The following CLIP4 variants were observed in gnomAD, a reference collection of about 807,000 sequenced individuals.
CLIP4 encodes the protein CAP-Gly domain containing linker protein family member 4.
A neutral mutation model predicts 73.1 loss-of-function variants in CLIP4; 47 were observed. The ratio of observed to expected loss-of-function variants is 0.64; its 90% CI spans 0.51 to 0.82. The LOEUF (loss-of-function observed/expected upper bound fraction) is 0.82, where lower values mean the gene tolerates loss of function less well. Ranked by LOEUF, CLIP4 falls within the 40% of genes least tolerant of loss-of-function variation. CLIP4 has a pLI of 0.00. For synonymous variants in CLIP4, 306 were observed against 295.4 expected (o/e 1.04, Z -0.37); for missense variants, 874 against 852.9 (o/e 1.02, Z -0.31).
intron 12 of CLIP4, among the ~76,000 whole-genome samples, chr2:29,160,896 GC>G (rs1408631548): frequency 6.6e-6 from 1 of 152,100 alleles, no homozygotes; most frequent in Admixed American, 6.5e-5. Context: ...TGTTTTTGGG[GC>G]CCTTAAAAAT....
In CLIP4 at chr2:29,183,217, A is replaced by T. The variant is rs1668725947; in HGVS notation, c.*1324A>T. The T allele has an allele frequency of 6.6e-6, 1 of 152,664 alleles. No individual in the cohort carries two copies. The highest frequency in any genetic ancestry group is 6.5e-5 in the Admixed American group (1 of 15,288). 9.5% of individuals were successfully genotyped at this position (152,664 alleles called of 1,614,324 possible). A position where few individuals can be genotyped will look rare whatever the true frequency, so the allele number is the denominator to read the frequency against. On this transcript the variant is annotated 3_prime_UTR_variant, in exon 16 of 16. Coordinates refer to ENST00000320081, the MANE Select transcript of CLIP4 (RefSeq NM_024692.6). Reference sequence around the variant, plus strand: ...GACTTTACCACAGAAATATTGGAACAGTTTGCTTTATAAGATTAAAAAGCA... The same window carrying T: ...GACTTTACCACAGAAATATTGGAACTGTTTGCTTTATAAGATTAAAAAGCA...
intron 14 of CLIP4, among the ~76,000 whole-genome samples, chr2:29,171,670 C>T (rs112706936): frequency 6.6e-6 from 1 of 152,082 alleles, no homozygotes; most frequent in African/African-American, 2.4e-5. Flanking sequence ...AGGCACCCAC[C>T]ACCACGCCCG....
chr2:29,172,549 C>T (rs1017085430), intron 14 of CLIP4, among the ~76,000 whole-genome samples: 18 of 152,052 alleles, frequency 1.2e-4, no homozygotes, highest in Non-Finnish European at 1.9e-4. Flanking sequence ...GTAGAGATTT[C>T]TTTTTGTTTA....
intron 6 of CLIP4, among the ~76,000 whole-genome samples, chr2:29,139,787 T>G (rs898363824): frequency 6.6e-6 from 1 of 152,176 alleles, no homozygotes; most frequent in Non-Finnish European, 1.5e-5. Flanking sequence ...AATAGAGGTA[T>G]TCACAGTAGT....
At chr2:29,123,962 C>T (rs573462488) in intron 2 of CLIP4, among the ~76,000 whole-genome samples, 2 of 152,272 alleles carry the variant, frequency 1.3e-5, no homozygotes, top group East Asian at 3.9e-4. Context: ...ATGCAGAATA[C>T]ACATTATATA....
intron 8 of CLIP4, among the ~76,000 whole-genome samples, chr2:29,145,605 A>T (rs1386928799): frequency 6.6e-6 from 1 of 152,188 alleles, no homozygotes; most frequent in Non-Finnish European, 1.5e-5. Flanking sequence ...TCCAGGAGGA[A>T]AGTCCTGAAA....
intron 14 of CLIP4, among the ~76,000 whole-genome samples, chr2:29,168,956 A>G (rs1667816115): frequency 1.3e-5 from 2 of 151,932 alleles, no homozygotes; most frequent in Admixed American, 6.6e-5. Context: ...GTGTATGGTA[A>G]GTATCTAATT....
intron 8 of CLIP4, among the ~76,000 whole-genome samples, chr2:29,148,514 GT>G (rs2148011265): frequency 6.6e-6 from 1 of 152,164 alleles, no homozygotes. Flanking sequence ...CATATACTTA[GT>G]TTACTCAAGT....
Position 29,182,715 on chromosome 2 carries a change from T to G in CLIP4, c.*822T>G, listed in dbSNP as rs1377821501. On this transcript the variant is annotated 3_prime_UTR_variant, in exon 16 of 16. Coordinates refer to ENST00000320081, the MANE Select transcript of CLIP4 (RefSeq NM_024692.6). ...TAAGGTTTATGAATTCAAGTAATAA[T>G]TAGATTTTTTTTGCACAGACTTACT... 6.6e-6 allele frequency: 1 copy of G among 152,638 alleles called. No homozygotes were observed. Among genetic ancestry groups the G allele is most frequent in the Non-Finnish European group, 1.5e-5 (1 of 68,044 alleles). The allele number at this position is 152,638 out of a possible 1,614,324, so 9.5% of individuals were successfully genotyped here.
chr2:29,110,634 G>C (rs1166650569), upstream of CLIP4, among the ~76,000 whole-genome samples: 1 of 152,158 alleles, frequency 6.6e-6, no homozygotes, highest in Non-Finnish European at 1.5e-5. Flanking sequence ...TACATCTGAG[G>C]TTCAGGGCTG....
chr2:29,118,344 T>C (rs1200529469), intron 1 of CLIP4: 1 of 152,026 alleles, frequency 6.6e-6, no homozygotes, highest in Non-Finnish European at 1.5e-5. Flanking sequence ...CAAGGAGTCT[T>C]GGAAAAAAAA....
intron 15 of CLIP4, among the ~76,000 whole-genome samples, chr2:29,179,840 T>A (rs183019890): frequency 6.6e-6 from 1 of 152,222 alleles, no homozygotes; most frequent in Admixed American, 6.5e-5. Flanking sequence ...ATTAAATTTA[T>A]TATTGTATTT....
chr2:29,146,159 G>C (rs529986253), intron 8 of CLIP4, among the ~76,000 whole-genome samples: 1 of 152,170 alleles, frequency 6.6e-6, no homozygotes, highest in African/African-American at 2.4e-5. Flanking sequence ...TTTTTCGTTA[G>C]TAGGCTGTGA....
intron 11 of CLIP4, among the ~76,000 whole-genome samples, chr2:29,158,339 A>AT (rs950133611): frequency 3.4e-5 from 5 of 149,134 alleles, no homozygotes; most frequent in Admixed American, 2.7e-4. Flanking sequence ...CATTTACTTG[A>AT]TTTTAAAATT....
In CLIP4 at chr2:29,132,261, A is replaced by G; in HGVS notation, c.367+16A>G. On this transcript the variant is annotated intron_variant, in intron 4 of 15. Coordinates refer to ENST00000320081, the MANE Select transcript of CLIP4 (RefSeq NM_024692.6). ...CATGGTATTGGTAAGTGTGTGGTAA[A>G]TCTATCAGTTGCTTATGTCATCTGC... 6.3e-7 allele frequency: 1 copy of G among 1,588,702 alleles called. No homozygotes were observed. Among genetic ancestry groups the G allele is most frequent in the Non-Finnish European group, 8.6e-7 (1 of 1,157,434 alleles).
chr2:29,175,862 C>T (rs187573474), intron 15 of CLIP4, among the ~76,000 whole-genome samples: 1,694 of 151,996 alleles, frequency 0.011, 35 homozygotes, highest in African/African-American at 0.039. Flanking sequence ...CCCGGGTTCA[C>T]GCCATTCTTC....
intron 8 of CLIP4, among the ~76,000 whole-genome samples, chr2:29,152,337 A>C (rs796673760): frequency 2.6e-4 from 39 of 152,318 alleles, no homozygotes; most frequent in African/African-American, 8.9e-4. Context: ...GATTTATGGC[A>C]AACAGTCTTC....
chr2:29,172,671 T>A (rs1668087363), intron 14 of CLIP4, among the ~76,000 whole-genome samples: 1 of 152,088 alleles, frequency 6.6e-6, no homozygotes, highest in Admixed American at 6.5e-5. Context: ...TTATTATTTT[T>A]CTTAGCTCCT....
rs1462674801 is a variant in CLIP4 at position 29,181,904 on chromosome 2, T to C, written c.*11T>C. On this transcript the variant is annotated 3_prime_UTR_variant, in exon 16 of 16. Coordinates refer to ENST00000320081, the MANE Select transcript of CLIP4 (RefSeq NM_024692.6). ...GATGAGAATTGTTAAGCTTCTAAAA[T>C]ATTAAATAAGCTCAAATATATATAT... 2 of 1,576,128 alleles carry C rather than the reference T, an allele frequency of 1.3e-6. No individual in the cohort carries two copies. Among genetic ancestry groups the C allele is most frequent in the African/African-American group, 1.4e-5 (1 of 73,538 alleles).
Sources: allele counts gnomAD v4.1 joint callset (sites outside exome capture counted in the v4.1 genomes callset), GRCh38; gene constraint gnomAD v4.1.1; transcripts MANE v1.5; gene names NCBI Gene and HGNC (gene_info 2026-07-23, HGNC 2026-07-21).